Variants in PNPLA6 observed in about 807,000 individuals in gnomAD.
PNPLA6 encodes the protein patatin like domain 6, lysophospholipase.
In PNPLA6, 105 loss-of-function variants were observed where a neutral mutation model predicts 153.7. That is an observed-to-expected ratio of 0.68 (90% CI 0.58 to 0.80). PNPLA6 has a LOEUF of 0.80. PNPLA6 is among the 30% of genes least tolerant of loss of function. The probability of loss-of-function intolerance (pLI) is 0.00; values close to 1 mark genes in which losing one functional copy is unlikely to be tolerated. For missense variants in PNPLA6, 1,423 were observed against 1,919.3 expected (o/e 0.74, Z 4.83); for synonymous variants, 825 against 822.2 (o/e 1.00, Z -0.06).
At position 7,541,679 on chromosome 19, in the gene PNPLA6, C is replaced by A; in HGVS notation, c.1163C>A (p.Pro388His). 2 of 1,570,354 alleles carry A rather than the reference C, an allele frequency of 1.3e-6. No individual in the cohort carries two copies. Among genetic ancestry groups the A allele is most frequent in the East Asian group, 4.7e-5 (2 of 42,802 alleles). Residue 388 changes from proline (P) to histidine (H), a missense_variant, in exon 9 of 32, where the codon CCT becomes CAT. By Grantham distance (77) the Pro-to-His change is moderately conservative. This residue lies in a region of PNPLA6 where 267 missense variants were observed against 255.1 expected (regional missense o/e 1.05). Transcript: ENST00000600737. The surrounding 1 kb of genome is among the most constrained non-coding windows in gnomAD (Gnocchi z 5.2). The part of the protein sequence containing the change: ...PDPTGAPLPG[P>H]TGDPVKPTSL... ...CCCACCGGGGCCCCGCTGCCTGGAC[C>A]TACAGGTACCCAGGGACCCGAGGCC...
chr19:7,555,852 G>A lies in PNPLA6; in HGVS notation c.3093+89G>A, dbSNP rs2023856254. 15 of 1,395,320 alleles carry A rather than the reference G, an allele frequency of 1.1e-5. No homozygotes were observed. In the East Asian group the frequency reaches 1.6e-4, roughly 15 times the overall value. 86.4% of individuals were successfully genotyped at this position (1,395,320 alleles called of 1,614,324 possible). ...AACCTGATCCCATGGGGGAGCCTCCGGGGTCAGGGTGACCCTTCCTGATTA... is the reference window on the plus strand; with the variant it reads ...AACCTGATCCCATGGGGGAGCCTCCAGGGTCAGGGTGACCCTTCCTGATTA... On this transcript the variant is annotated intron_variant, in intron 24 of 31. Transcript: ENST00000600737. This position sits in a 1 kb window ranked among gnomAD's most constrained non-coding sequence, Gnocchi z 6.3.
intron 13 of PNPLA6, among the ~76,000 whole-genome samples, chr19:7,543,669 A>G (rs1262113484): frequency 1.3e-5 from 2 of 152,188 alleles, no homozygotes; most frequent in Admixed American, 6.5e-5. Context: ...AGGAGGAGGA[A>G]GAAGAAGAGG....
chr19:7,538,165 A>C (rs569424720), intron 3 of PNPLA6, among the ~76,000 whole-genome samples: 2 of 152,210 alleles, frequency 1.3e-5, no homozygotes, highest in South Asian at 4.1e-4. Context: ...AAAAGGAATA[A>C]TCATAACAAT....
In PNPLA6 at chr19:7,559,100, G is replaced by A. The variant is rs765541557; in HGVS notation, c.3648G>A (p.Pro1216=). 1.9e-5 allele frequency: 30 copies of A among 1,614,066 alleles called. No homozygotes were observed. The East Asian group carries it at 2.0e-4, about 11-fold the overall frequency. Residue 1216 remains proline (P), a synonymous_variant, in exon 28 of 32, where the codon CCG becomes CCA. Coordinates refer to ENST00000600737, the MANE Select transcript of PNPLA6 (RefSeq NM_001166114.2). ...GCTCCTACTGCGAGTACCTGCGCCC[G>A]CCCATCGACTGCTTCAAGACCATGG... ...KSSSYCEYLR[P]PIDCFKTMDF...
chr19:7,539,907 C>T lies in PNPLA6; in HGVS notation c.414-11C>T. On this transcript the variant is annotated splice_polypyrimidine_tract_variant and intron_variant, in intron 3 of 31. Coordinates refer to ENST00000600737, the MANE Select transcript of PNPLA6 (RefSeq NM_001166114.2). ...CCCCCCTCACCCCCGGCACCCCTCC[C>T]CTCCCACCAGGATCCTGCGCATCCA... The T allele has an allele frequency of 6.5e-7, 1 of 1,536,780 alleles. No homozygotes were observed. The highest frequency in any genetic ancestry group is 8.7e-7 in the Non-Finnish European group (1 of 1,143,364).
At chr19:7,535,561 C>T (rs1418357285), upstream of PNPLA6, 2 of 1,604,580 alleles carry the variant, frequency 1.2e-6, no homozygotes, top group East Asian at 2.2e-5. The surrounding 1 kb of genome is among the most constrained non-coding windows in gnomAD (Gnocchi z 5.0). Context: ...ATGGAGGCTC[C>T]GCTGCAAACT....
At chr19:7,556,843 C>A in intron 26 of PNPLA6, 119 bp downstream of exon 26, 2 of 805,202 alleles carry the variant, frequency 2.5e-6, no homozygotes, top group Non-Finnish European at 4.3e-6. Flanking sequence ...TCCACCCTGG[C>A]CCGATCACCG....
intron 27 of PNPLA6, among the ~76,000 whole-genome samples, chr19:7,558,509 C>G (rs180678410): frequency 6.6e-6 from 1 of 152,072 alleles, no homozygotes; most frequent in Non-Finnish European, 1.5e-5. Context: ...GTGTATGCCT[C>G]TAATCCCAGC....
intron 18 of PNPLA6, among the ~76,000 whole-genome samples, chr19:7,552,392 C>A (rs2023688883): frequency 6.6e-6 from 1 of 152,186 alleles, no homozygotes; most frequent in Non-Finnish European, 1.5e-5. Flanking sequence ...AGGGGTTCTA[C>A]CCAATTGGCC....
intron 13 of PNPLA6, 115 bp from the exon 14 acceptor site, chr19:7,549,792 A>G (rs2023563687): frequency 4.6e-6 from 5 of 1,082,054 alleles, no homozygotes; most frequent in African/African-American, 3.1e-5. Flanking sequence ...CTGCGCCTTC[A>G]TATTTTTCTT....
chr19:7,535,660 A>T, upstream of PNPLA6: 5 of 1,547,072 alleles, frequency 3.2e-6, no homozygotes, highest in South Asian at 1.2e-5. The surrounding 1 kb of genome is among the most constrained non-coding windows in gnomAD (Gnocchi z 5.0). Flanking sequence ...AGCGCGCATT[A>T]CGTGGTCTGG....
rs947135990 is a variant in PNPLA6 at position 7,541,360 on chromosome 19, A to G, written c.931A>G (p.Met311Val). ...ESLVRVVQII[M>V]VRLQRVTFLA... is the part of the protein sequence containing the mutation. ...CGCCCCTCGAGCCCTGCAGATCATC[A>G]TGGTGCGGCTGCAGCGAGTCACCTT... Residue 311 changes from methionine to valine, a missense_variant, in exon 8 of 32, where the codon ATG (methionine) becomes GTG (valine). By Grantham distance (21) the Met-to-Val change is conservative (BLOSUM62 1). Around this residue, in one of 10 missense-constraint regions of PNPLA6, gnomAD observed 118 missense variants for 158.8 expected, o/e 0.74. Coordinates refer to ENST00000600737, the MANE Select transcript of PNPLA6 (RefSeq NM_001166114.2). This position sits in a 1 kb window ranked among gnomAD's most constrained non-coding sequence, Gnocchi z 5.2. 4.3e-6 allele frequency: 7 copies of G among 1,613,324 alleles called. No individual in the cohort carries two copies. The highest frequency in any genetic ancestry group is 2.2e-5 in the East Asian group (1 of 44,858).
In PNPLA6 at chr19:7,541,101, C is replaced by T; in HGVS notation, c.924+50C>T. The T allele has an allele frequency of 6.3e-7, 1 of 1,582,750 alleles. No homozygotes were observed. Among genetic ancestry groups the T allele is most frequent in the Middle Eastern group, 2.1e-4 (1 of 4,672 alleles). On this transcript the variant is annotated intron_variant, in intron 7 of 31. Transcript: ENST00000600737. The surrounding 1 kb of genome is among the most constrained non-coding windows in gnomAD (Gnocchi z 5.2). ...ACCCCCTGAGGGACCCCACCCTGGC[C>T]CCCACCCATTCCAGGCTCCAAGGGA... is the stretch of plus-strand genomic sequence containing the variant.
At chr19:7,545,698 G>C (rs774646143) in intron 13 of PNPLA6, among the ~76,000 whole-genome samples, 8 of 151,972 alleles carry the variant, frequency 5.3e-5, no homozygotes, top group Non-Finnish European at 8.8e-5. Flanking sequence ...GATCACTTGA[G>C]GTCAGGAGTT....
intron 27 of PNPLA6, among the ~76,000 whole-genome samples, chr19:7,558,464 T>C (rs893915735): frequency 2.6e-5 from 4 of 152,172 alleles, no homozygotes; most frequent in African/African-American, 9.7e-5. Flanking sequence ...AAACCCGGTT[T>C]CTACTAAAAA....
At chr19:7,539,757 CAAAAAAAAA>C (rs762061101) in intron 3 of PNPLA6, among the ~76,000 whole-genome samples, 152 bp from the exon 4 acceptor site, 68 of 50,890 alleles carry the variant, frequency 1.3e-3, no homozygotes, top group African/African-American at 4.2e-3. Flanking sequence ...AACTTCGTCT[CAAAAAAAAA>C]AAAAAAAAAA....
intron 10 of PNPLA6, 138 bp from the exon 11 acceptor site, chr19:7,542,423 C>T (rs974997581): frequency 3.6e-5 from 26 of 726,648 alleles, no homozygotes; most frequent in Non-Finnish European, 6.2e-5. Flanking sequence ...CAGCCTCGAA[C>T]TCCTATGCTC....
intron 10 of PNPLA6, 80 bp downstream of exon 10, chr19:7,542,147 G>A (rs2023178604): frequency 8.9e-7 from 1 of 1,129,672 alleles, no homozygotes; most frequent in Non-Finnish European, 1.3e-6. Flanking sequence ...TGTCTTGATT[G>A]TTTTAATCTG....
intron 16 of PNPLA6, 106 bp from the exon 17 acceptor site, chr19:7,550,888 C>T (rs966488502): frequency 8.4e-6 from 8 of 952,754 alleles, no homozygotes; most frequent in Middle Eastern, 2.1e-4. Flanking sequence ...CCCTACACCC[C>T]CATTGCAGGG....
Sources: allele counts gnomAD v4.1 joint callset (sites outside exome capture counted in the v4.1 genomes callset), GRCh38; gene constraint gnomAD v4.1.1; regional missense constraint gnomAD v4.1.1; non-coding constraint Gnocchi (gnomAD v3.1); transcripts MANE v1.5; gene names NCBI Gene and HGNC (gene_info 2026-07-23, HGNC 2026-07-21).